SLC35F3: variants seen among roughly 807,000 people sequenced by gnomAD.
The protein encoded by SLC35F3 is putative thiamine transporter SLC35F3.
In SLC35F3, 25 loss-of-function variants were observed where a neutral mutation model predicts 49.9. That is an observed-to-expected ratio of 0.50 (90% CI 0.37 to 0.70). The LOEUF (loss-of-function observed/expected upper bound fraction) is 0.70. Ranked by LOEUF, SLC35F3 falls within the 30% of genes least tolerant of loss-of-function variation. The pLI is 0.00. For synonymous variants in SLC35F3, 275 were observed against 265.4 expected, an observed-to-expected ratio of 1.04 and a Z score of -0.35; for missense variants, 525 against 639.8, an observed-to-expected ratio of 0.82 and a Z score of 1.94.
chr1:234,180,507 G>A (rs1666541153), intron 2 of SLC35F3, among the ~76,000 whole-genome samples: 1 of 152,220 alleles, frequency 6.6e-6, no homozygotes, highest in Non-Finnish European at 1.5e-5. Flanking sequence ...TGTCCCACTA[G>A]GACTTTAGAA....
At chr1:234,207,638 A>G (rs940573909) in intron 2 of SLC35F3, among the ~76,000 whole-genome samples, 1 of 151,870 alleles carries the variant, frequency 6.6e-6, no homozygotes, top group African/African-American at 2.4e-5. Context: ...TTTAGCCATG[A>G]CATCTCTTTT....
At chr1:234,297,662 T>C (rs999474142) in intron 3 of SLC35F3, among the ~76,000 whole-genome samples, 1 of 151,822 alleles carries the variant, frequency 6.6e-6, no homozygotes, top group Non-Finnish European at 1.5e-5. Context: ...GAAGATTACT[T>C]GAGCCCTGGA....
intron 3 of SLC35F3, among the ~76,000 whole-genome samples, chr1:234,284,248 A>C (rs1039761342): frequency 1.3e-5 from 2 of 152,190 alleles, no homozygotes; most frequent in Non-Finnish European, 2.9e-5. Context: ...TCCATTTTGT[A>C]GATGACAAAA....
chr1:234,195,999 T>C (rs1666804485), intron 2 of SLC35F3, among the ~76,000 whole-genome samples: 1 of 152,128 alleles, frequency 6.6e-6, no homozygotes, highest in Non-Finnish European at 1.5e-5. Context: ...TTTTTCTTTA[T>C]AAATTACCCA....
At chr1:234,267,419 C>T (rs1418075244) in intron 3 of SLC35F3, among the ~76,000 whole-genome samples, 50 of 144,936 alleles carry the variant, frequency 3.4e-4, no homozygotes, top group African/African-American at 3.6e-4. Context: ...GGGTCGTGGC[C>T]GGGCAGAGGG....
intron 2 of SLC35F3, among the ~76,000 whole-genome samples, chr1:234,074,993 C>T (rs1214523469): frequency 6.6e-6 from 1 of 151,608 alleles, no homozygotes; most frequent in East Asian, 1.9e-4. Context: ...GATGTTGGGA[C>T]CAAAGGAAAA....
At chr1:234,096,885 C>CTTTTTTTTTTTTTTTTTTTTTTT (rs34404610) in intron 2 of SLC35F3, among the ~76,000 whole-genome samples, 1 of 132,106 alleles carries the variant, frequency 7.6e-6, no homozygotes, top group Non-Finnish European at 1.6e-5. Flanking sequence ...TTGTTAAATT[C>CTTTTTTTTTTTTTTTTTTTTTTT]TTTTTTTTTT....
At chr1:233,962,171 G>A (rs1273212282) in intron 2 of SLC35F3, among the ~76,000 whole-genome samples, 2 of 152,280 alleles carry the variant, frequency 1.3e-5, no homozygotes, top group East Asian at 3.9e-4. Context: ...TGGTGCATGT[G>A]CTTACAGATA....
At chr1:234,267,680 A>G (rs1374305429) in intron 3 of SLC35F3, among the ~76,000 whole-genome samples, 4 of 140,292 alleles carry the variant, frequency 2.9e-5, no homozygotes, top group Non-Finnish European at 4.7e-5. Context: ...CCGGGCGGAG[A>G]CGCTCCTCAC....
intron 2 of SLC35F3, among the ~76,000 whole-genome samples, chr1:234,142,582 G>C (rs766578985): frequency 5.3e-5 from 8 of 152,162 alleles, no homozygotes; most frequent in Non-Finnish European, 1.0e-4. Context: ...TACTGCCCAG[G>C]GGCATTTGGT....
At chr1:234,282,292 C>G (rs1466674062) in intron 3 of SLC35F3, among the ~76,000 whole-genome samples, 1 of 152,320 alleles carries the variant, frequency 6.6e-6, no homozygotes, top group Admixed American at 6.5e-5. Flanking sequence ...GATCTACAAG[C>G]CTGCTAATGG....
intron 3 of SLC35F3, among the ~76,000 whole-genome samples, chr1:234,304,388 C>T (rs1233188524): frequency 6.6e-6 from 1 of 152,122 alleles, no homozygotes; most frequent in East Asian, 1.9e-4. Flanking sequence ...GTCTTGAACT[C>T]CTGACCTCAA....
intron 3 of SLC35F3, among the ~76,000 whole-genome samples, chr1:234,302,562 A>T (rs1051806514): frequency 6.6e-6 from 1 of 152,128 alleles, no homozygotes; most frequent in African/African-American, 2.4e-5. Context: ...GTTTTTGTAC[A>T]GGGGTATGTT....
chr1:234,159,040 G>A (rs1287193918), intron 2 of SLC35F3, among the ~76,000 whole-genome samples: 1 of 151,876 alleles, frequency 6.6e-6, no homozygotes, highest in African/African-American at 2.4e-5. Context: ...ACCCACTTTT[G>A]CTTCATACCA....
At chr1:234,113,247 G>C (rs773626994) in intron 2 of SLC35F3, among the ~76,000 whole-genome samples, 9 of 152,144 alleles carry the variant, frequency 5.9e-5, no homozygotes, top group Non-Finnish European at 1.2e-4. Context: ...CTTGGCCTTA[G>C]ACCTGGGACA....
intron 3 of SLC35F3, among the ~76,000 whole-genome samples, chr1:234,238,855 G>T (rs559879301): frequency 6.6e-6 from 1 of 152,194 alleles, no homozygotes; most frequent in South Asian, 2.1e-4. Flanking sequence ...AGAAATCAAG[G>T]ATATGGCTTT....
chr1:233,926,705 A>C (rs987183862), intron 2 of SLC35F3, among the ~76,000 whole-genome samples: 3 of 152,154 alleles, frequency 2.0e-5, no homozygotes, highest in African/African-American at 7.2e-5. Context: ...CCTTTGAAGG[A>C]GAAGAGGTGC....
At chr1:233,927,386 T>C (rs915930500) in intron 2 of SLC35F3, among the ~76,000 whole-genome samples, 6 of 152,174 alleles carry the variant, frequency 3.9e-5, no homozygotes, top group African/African-American at 1.2e-4. Flanking sequence ...TATCATCTAA[T>C]TTACTTCAAA....
intron 2 of SLC35F3, among the ~76,000 whole-genome samples, chr1:234,123,615 G>A (rs539046061): frequency 6.1e-5 from 9 of 148,316 alleles, no homozygotes; most frequent in African/African-American, 1.2e-4. Context: ...ACAGGGTTTC[G>A]CTATGTTGCC....
Sources: gnomAD v4.1 joint callset for allele counts (sites outside exome capture counted in the v4.1 genomes callset) on GRCh38, gnomAD v4.1.1 for gene constraint, MANE v1.5 for transcripts, NCBI Gene and HGNC (gene_info 2026-07-23, HGNC 2026-07-21) for gene names.